SBK2: variants seen among roughly 807,000 people sequenced by gnomAD.
SBK2 encodes SH3 domain binding kinase family member 2.
In SBK2, 18 loss-of-function variants were observed where a neutral mutation model predicts 15.9. That is an observed-to-expected ratio of 1.13 (90% CI 0.78 to 1.68). The LOEUF is 1.68. Among genes scored for constraint, SBK2 ranks in the 40% most tolerant of loss-of-function variants. SBK2 has a pLI of 0.00. For synonymous variants in SBK2, 284 were observed against 246.8 expected, an observed-to-expected ratio of 1.15 and a Z score of -1.41; for missense variants, 581 against 510.9, an observed-to-expected ratio of 1.14 and a Z score of -1.32.
chr19:55,529,868 C>T lies in SBK2; in HGVS notation c.912G>A (p.Leu304=). ...GGGGGTGAGGGTCCAGCAGCCCCCGCAGAAGCGCGTCGGCCGCGGCGGCCA... is the reference window on the plus strand; with the variant it reads ...GGGGGTGAGGGTCCAGCAGCCCCCGTAGAAGCGCGTCGGCCGCGGCGGCCA... ...FGLAAAADAL[L]RGLLDPHPRR... Residue 304 remains leucine, a synonymous_variant, in exon 4 of 4, where the codon CTG becomes CTA. Coordinates refer to ENST00000413299, the MANE Select transcript of SBK2 (RefSeq NM_001370096.2). The T allele has an allele frequency of 6.3e-7, 1 of 1,598,564 alleles. No homozygotes were observed. The highest frequency in any genetic ancestry group is 8.5e-7 in the Non-Finnish European group (1 of 1,175,692).
intron 2 of SBK2, among the ~76,000 whole-genome samples, chr19:55,532,687 G>A (rs1022003257): frequency 7.7e-5 from 11 of 143,550 alleles, no homozygotes; most frequent in Non-Finnish European, 1.6e-4. Flanking sequence ...TGCAACCTCC[G>A]CCTCCCGGGC....
chr19:55,532,295 C>CT (rs540857379), intron 2 of SBK2, among the ~76,000 whole-genome samples: 824 of 77,056 alleles, frequency 0.011, 10 homozygotes, highest in Non-Finnish European at 0.015. Flanking sequence ...TGATGTCTTC[C>CT]TTTTTTTTTT....
rs572149473 is a variant in SBK2, at chr19:55,529,677, T to TGGCCTTGGG, written c.*47_*55dup. The TGGCCTTGGG allele has an allele frequency of 6.1e-4, 962 of 1,566,250 alleles. 8 individuals carry two copies. In the African/African-American group the frequency reaches 0.012, roughly 19 times the overall value. On this transcript the variant is annotated 3_prime_UTR_variant, in exon 4 of 4. Transcript: ENST00000413299. Reference sequence around the variant, plus strand: ...ACACCGAGGAGACACCAAAAGCCGTTGGCCTTGGGGGCCTCGGGTGGGGCG... The same window carrying TGGCCTTGGG: ...ACACCGAGGAGACACCAAAAGCCGTTGGCCTTGGGGGCCTTGGGGGCCTCGGGTGGGGCG...
chr19:55,534,799 A>G (rs987273595), intron 2 of SBK2, among the ~76,000 whole-genome samples: 3 of 151,554 alleles, frequency 2.0e-5, no homozygotes, highest in Non-Finnish European at 4.4e-5. Flanking sequence ...CTGAGGCAGG[A>G]GGATCACTTG....
At position 55,529,842 on chromosome 19, in the gene SBK2, CG is replaced by C; in HGVS notation, c.937del (p.Arg313GlufsTer6). On this transcript the variant is annotated frameshift_variant, in exon 4 of 4. Coordinates refer to ENST00000413299, the MANE Select transcript of SBK2 (RefSeq NM_001370096.2). LOFTEE classifies it low-confidence loss of function (END_TRUNC). ...GATGGCGATCACAGCGCTCCTCCTTCGGGGGTGAGGGTCCAGCAGCCCCCGC... is the reference window on the plus strand; with the variant it reads ...GATGGCGATCACAGCGCTCCTCCTTCGGGGTGAGGGTCCAGCAGCCCCCGC... ...LLRGLLDPHP[R>X]RRSAVIAIRE... 1.2e-6 allele frequency: 2 copies of C among 1,603,502 alleles called. No individual in the cohort carries two copies. Among genetic ancestry groups the C allele is most frequent in the Non-Finnish European group, 8.5e-7 (1 of 1,179,018 alleles).
chr19:55,530,126 C>A lies in SBK2; in HGVS notation c.654G>T (p.Gly218=). 6.8e-7 allele frequency: 1 copy of A among 1,461,542 alleles called. No individual in the cohort carries two copies. The allele number at this position is 1,461,542 out of a possible 1,614,324, so 90.5% of individuals were successfully genotyped here. A position where few individuals can be genotyped will look rare whatever the true frequency, so the allele number is the denominator to read the frequency against. Residue 218 remains glycine (G), a synonymous_variant, in exon 4 of 4, where the codon GGG becomes GGT. Coordinates refer to ENST00000413299, the MANE Select transcript of SBK2 (RefSeq NM_001370096.2). The stretch of plus-strand genomic sequence containing the variant: ...CGGGGGCCGTGTAGGGGATGGGCGG[C>A]CCGGCCAGGCGCAGCAGCGTCCCGC... ...RPRGTLLRLA[G]PPIPYTAPEL... is the part of the protein sequence containing the mutation.
chr19:55,530,333 G>T lies in SBK2; in HGVS notation c.457-10C>A. ...GCTGCGGGAGGCCCACCTGCGGGGA[G>T]AGGGGTCAGGGCCCAGTGCCCCGGG... On this transcript the variant is annotated splice_polypyrimidine_tract_variant and intron_variant, in intron 3 of 3. Coordinates refer to ENST00000413299, the MANE Select transcript of SBK2 (RefSeq NM_001370096.2). 1 of 1,401,128 alleles carries T rather than the reference G, an allele frequency of 7.1e-7. No homozygotes were observed. Among genetic ancestry groups the T allele is most frequent in the Non-Finnish European group, 9.2e-7 (1 of 1,081,244 alleles). 86.8% of individuals were successfully genotyped at this position (1,401,128 alleles called of 1,614,324 possible). A position where few individuals can be genotyped will look rare whatever the true frequency, so the allele number is the denominator to read the frequency against.
Position 55,529,884 on chromosome 19 carries a change from GCGGC to G in SBK2, c.892_895del (p.Ala298ArgfsTer20). On this transcript the variant is annotated frameshift_variant, in exon 4 of 4. Coordinates refer to ENST00000413299, the MANE Select transcript of SBK2 (RefSeq NM_001370096.2). LOFTEE classifies it low-confidence loss of function (END_TRUNC). The stretch of plus-strand genomic sequence containing the variant: ...CAGCCCCCGCAGAAGCGCGTCGGCC[GCGGC>G]GGCCAGGCCGAACCAGGGCTGAGGG... 1 of 1,586,566 alleles carries G rather than the reference GCGGC, an allele frequency of 6.3e-7. No individual in the cohort carries two copies. The highest frequency in any genetic ancestry group is 8.6e-7 in the Non-Finnish European group (1 of 1,169,452).
In SBK2 at chr19:55,536,305, A is replaced by G. The variant is rs762625221; in HGVS notation, c.-2-9T>C. 1.9e-5 allele frequency: 28 copies of G among 1,501,956 alleles called. No homozygotes were observed. Among genetic ancestry groups the G allele is most frequent in the Non-Finnish European group, 2.7e-6 (3 of 1,132,018 alleles). 93.0% of individuals were successfully genotyped at this position (1,501,956 alleles called of 1,614,324 possible). A position where few individuals can be genotyped will look rare whatever the true frequency, so the allele number is the denominator to read the frequency against. On this transcript the variant is annotated splice_polypyrimidine_tract_variant and intron_variant, in intron 1 of 3. Coordinates refer to ENST00000413299, the MANE Select transcript of SBK2 (RefSeq NM_001370096.2). Reference sequence around the variant, plus strand: ...CTGTTTGCCGGGCATCTCTGCGAGAACAGAGAGGGGTGCCCAGGCTCAGGT... The same window carrying G: ...CTGTTTGCCGGGCATCTCTGCGAGAGCAGAGAGGGGTGCCCAGGCTCAGGT...
At chr19:55,534,715 A>AAAAG (rs1555770632) in intron 2 of SBK2, among the ~76,000 whole-genome samples, 3 of 147,790 alleles carry the variant, frequency 2.0e-5, no homozygotes, top group African/African-American at 7.5e-5. Flanking sequence ...AAAAAAAAAA[A>AAAAG]AAAAAGAAAA....
chr19:55,531,027 G>GGGGAGGCCCA (rs771057914), intron 3 of SBK2, 116 bp downstream of exon 3: 2 of 920,612 alleles, frequency 2.2e-6, no homozygotes, highest in Non-Finnish European at 3.4e-6. Context: ...CCGGGGGGTA[G>GGGGAGGCCCA]GGGAGGCCCA....
rs1239682046 is a variant in SBK2 at position 55,529,879 on chromosome 19, C to G, written c.901G>C (p.Asp301His). The change falls in exon 4 of 4, where the codon GAC becomes CAC. Residue 301 changes from aspartate to histidine, a missense_variant. By Grantham distance (81) the Asp-to-His change is moderately conservative. Transcript: ENST00000413299. ...TCCAGCAGCCCCCGCAGAAGCGCGT[C>G]GGCCGCGGCGGCCAGGCCGAACCAG... ...QPWFGLAAAA[D>H]ALLRGLLDPH... 6.3e-7 allele frequency: 1 copy of G among 1,587,812 alleles called. No homozygotes were observed. The highest frequency in any genetic ancestry group is 8.5e-7 in the Non-Finnish European group (1 of 1,170,414).
rs1346490767 is a variant in SBK2, at chr19:55,529,114, G to C, written c.*619C>G. Among the ~76,000 whole-genome samples, 1 of 152,204 alleles carries C rather than the reference G, an allele frequency of 6.6e-6. No homozygotes were observed. Among genetic ancestry groups the C allele is most frequent in the Non-Finnish European group, 1.5e-5 (1 of 68,042 alleles). On this transcript the variant is annotated 3_prime_UTR_variant, in exon 4 of 4. Transcript: ENST00000413299. ...CATCTTTTTAAAAAGTTAAAAATTA[G>C]CCTAGCGTGGTGGCGCATGCCTGTA...
In SBK2 at chr19:55,530,327, C is replaced by A. The variant is rs1988221891; in HGVS notation, c.457-4G>T. Reference sequence around the variant, plus strand: ...CCGCGGGCTGCGGGAGGCCCACCTGCGGGGAGAGGGGTCAGGGCCCAGTGC... The same window carrying A: ...CCGCGGGCTGCGGGAGGCCCACCTGAGGGGAGAGGGGTCAGGGCCCAGTGC... On this transcript the variant is annotated splice_region_variant and splice_polypyrimidine_tract_variant and intron_variant, in intron 3 of 3. Transcript: ENST00000413299. The A allele has an allele frequency of 2.9e-6, 4 of 1,398,164 alleles. No homozygotes were observed. Among genetic ancestry groups the A allele is most frequent in the Admixed American group, 3.2e-5 (1 of 30,804 alleles). 86.6% of individuals were successfully genotyped at this position (1,398,164 alleles called of 1,614,324 possible).
intron 1 of SBK2, among the ~76,000 whole-genome samples, chr19:55,536,687 C>T (rs1019708401): frequency 1.3e-5 from 2 of 151,942 alleles, no homozygotes; most frequent in East Asian, 1.9e-4. Context: ...GGGCCTGGGA[C>T]GCCTGGGTCC....
chr19:55,533,300 A>G (rs1034195285), intron 2 of SBK2, among the ~76,000 whole-genome samples: 1 of 150,260 alleles, frequency 6.7e-6, no homozygotes, highest in African/African-American at 2.5e-5. Context: ...CACTCCACTC[A>G]CTGCAGCCTG....
At position 55,536,047 on chromosome 19, in the gene SBK2, T is replaced by C. The variant is rs760007229; in HGVS notation, c.248A>G (p.Gln83Arg). 6 of 1,471,292 alleles carry C rather than the reference T, an allele frequency of 4.1e-6. No individual in the cohort carries two copies. The Admixed American group carries it at 1.4e-4, about 34-fold the overall frequency. 91.1% of individuals were successfully genotyped at this position (1,471,292 alleles called of 1,614,324 possible). A position where few individuals can be genotyped will look rare whatever the true frequency, so the allele number is the denominator to read the frequency against. ...CTGGCCCCACAGCCTCGTACCTTTC[T>C]GACGATGGGTGACCAGAAGGACGCG... ...YGRVLLVTHR[Q>R]KGTPLALKQL... The change falls in exon 2 of 4, where the codon CAG (glutamine) becomes CGG (arginine). Residue 83 changes from glutamine (Q) to arginine (R), a missense_variant. Gln to Arg is a conservative substitution (Grantham distance 43). Coordinates refer to ENST00000413299, the MANE Select transcript of SBK2 (RefSeq NM_001370096.2).
chr19:55,535,643 G>T (rs564851164), intron 2 of SBK2, among the ~76,000 whole-genome samples: 2 of 152,210 alleles, frequency 1.3e-5, no homozygotes, highest in African/African-American at 2.4e-5. Flanking sequence ...TGAGGCAGGC[G>T]GATCACTGGA....
chr19:55,535,090 G>C (rs1314750870), intron 2 of SBK2, among the ~76,000 whole-genome samples: 2 of 152,132 alleles, frequency 1.3e-5, no homozygotes, highest in Non-Finnish European at 2.9e-5. Context: ...TGTTATGGCA[G>C]CCCCAGCAGA....
Sources: gnomAD v4.1 joint callset for allele counts (sites outside exome capture counted in the v4.1 genomes callset) on GRCh38, gnomAD v4.1.1 for gene constraint, MANE v1.5 for transcripts, NCBI Gene and HGNC (gene_info 2026-07-23, HGNC 2026-07-21) for gene names.